DENND5A: variants seen among roughly 807,000 people sequenced by gnomAD.
DENND5A encodes the protein DENN domain containing 5A.
A neutral mutation model predicts 140.3 loss-of-function variants in DENND5A; 64 were observed. The observed-to-expected ratio is 0.46, with a 90% confidence interval of 0.37 to 0.56. The LOEUF is 0.56. Ranked by LOEUF, DENND5A falls within the 20% of genes least tolerant of loss-of-function variation. The pLI, the probability that DENND5A is intolerant of heterozygous loss-of-function variation, is 0.00. For synonymous variants in DENND5A, 605 were observed against 607.7 expected (o/e 1.00, Z 0.07); for missense variants, 1,292 against 1,593.8 (o/e 0.81, Z 3.22).
chr11:9,163,803 C>CAAAAA (rs569894796), intron 11 of DENND5A, among the ~76,000 whole-genome samples: 2 of 46,224 alleles, frequency 4.3e-5, no homozygotes, highest in Non-Finnish European at 9.0e-5. Flanking sequence ...GACTCCATCT[C>CAAAAA]AAAAAAAAAA....
At chr11:9,171,566 C>A (rs1019240807) in intron 8 of DENND5A, 1 of 152,120 alleles carries the variant, frequency 6.6e-6, no homozygotes, top group Non-Finnish European at 1.5e-5. Flanking sequence ...TGTCTGGCAT[C>A]TAATCAAAGA....
intron 3 of DENND5A, 94 bp downstream of exon 3, chr11:9,206,579 T>C: frequency 1.1e-6 from 1 of 876,388 alleles, no homozygotes; most frequent in Non-Finnish European, 1.9e-6. Context: ...GTTATTGGTA[T>C]TTGGTGGCAC....
chr11:9,161,663 C>T (rs1401885790), intron 11 of DENND5A, among the ~76,000 whole-genome samples: 1 of 152,124 alleles, frequency 6.6e-6, no homozygotes, highest in African/African-American at 2.4e-5. Context: ...AAAACACATA[C>T]TGCATAATGA....
chr11:9,150,862 G>GCT, intron 13 of DENND5A, 98 bp from the exon 14 acceptor site: 1 of 675,792 alleles, frequency 1.5e-6, no homozygotes, highest in Non-Finnish European at 2.5e-6. Flanking sequence ...ATGGGAAACA[G>GCT]GTGGTTACAC....
rs1849620444 is a variant in DENND5A at position 9,204,253 on chromosome 11, G to A, written c.356C>T (p.Ala119Val). 1 of 1,613,844 alleles carries A rather than the reference G, an allele frequency of 6.2e-7. No homozygotes were observed. The highest frequency in any genetic ancestry group is 1.1e-5 in the South Asian group (1 of 91,084). Residue 119 changes from alanine (A) to valine (V), a missense_variant, in exon 4 of 23, where the codon GCC (alanine) becomes GTC (valine). By Grantham distance (64) the Ala-to-Val change is moderately conservative. Coordinates refer to ENST00000328194, the MANE Select transcript of DENND5A (RefSeq NM_015213.4). ...GCCATCCTCCCTTGTGATAATAAAG[G>A]CATGGAATTGGGGCTCCCTGGGATC... ...QADPREPQFH[A>V]FIITREDGSR... is the part of the protein sequence containing the mutation.
intron 9 of DENND5A, 104 bp from the exon 10 acceptor site, chr11:9,170,053 C>G: frequency 1.1e-6 from 1 of 923,618 alleles, no homozygotes; most frequent in South Asian, 1.4e-5. Flanking sequence ...ATGCTGGACA[C>G]AGGAAATGAC....
chr11:9,186,085 A>C (rs543212312), intron 5 of DENND5A, among the ~76,000 whole-genome samples: 1 of 152,366 alleles, frequency 6.6e-6, no homozygotes, highest in South Asian at 2.1e-4. Context: ...TGTATCATTC[A>C]ATAAACATTT....
chr11:9,188,362 T>C (rs1848993691), intron 5 of DENND5A, among the ~76,000 whole-genome samples: 1 of 152,184 alleles, frequency 6.6e-6, no homozygotes, highest in Non-Finnish European at 1.5e-5. Flanking sequence ...TATGTCTTTA[T>C]CAGCAACATG....
chr11:9,229,063 T>G (rs755661639), intron 1 of DENND5A, among the ~76,000 whole-genome samples: 1 of 152,180 alleles, frequency 6.6e-6, no homozygotes, highest in Non-Finnish European at 1.5e-5. Context: ...GGGGACAGTC[T>G]TGTGAGACTA....
At chr11:9,245,651 T>C (rs1851441116) in intron 1 of DENND5A, 1 of 152,038 alleles carries the variant, frequency 6.6e-6, no homozygotes, top group Non-Finnish European at 1.5e-5. Context: ...TATTTATTGT[T>C]GAGAGGGAGT....
intron 1 of DENND5A, chr11:9,242,532 T>C (rs894720321): frequency 3.3e-5 from 5 of 152,304 alleles, no homozygotes; most frequent in Admixed American, 6.5e-5. Context: ...TAGAAGACTT[T>C]AGAGACAGGG....
At chr11:9,201,519 A>T (rs1590268495) in intron 4 of DENND5A, among the ~76,000 whole-genome samples, 1 of 152,022 alleles carries the variant, frequency 6.6e-6, no homozygotes, top group East Asian at 1.9e-4. Context: ...AAAAATAAAA[A>T]ATTAGCCAAG....
At chr11:9,222,396 C>A (rs1382721818) in intron 1 of DENND5A, among the ~76,000 whole-genome samples, 1 of 152,078 alleles carries the variant, frequency 6.6e-6, no homozygotes, top group African/African-American at 2.4e-5. Flanking sequence ...GTTCAAATTT[C>A]TTTAGTTTAT....
At chr11:9,140,286 T>TCTTC in intron 22 of DENND5A, 4 of 1,132,622 alleles carry the variant, frequency 3.5e-6, no homozygotes, top group African/African-American at 1.6e-5. Flanking sequence ...ATCCCCACTT[T>TCTTC]ATAGATGAAG....
intron 6 of DENND5A, 34 bp downstream of exon 6, chr11:9,180,733 T>C: frequency 6.3e-7 from 1 of 1,594,260 alleles, no homozygotes; most frequent in Non-Finnish European, 8.6e-7. Flanking sequence ...CTAGCACAGA[T>C]CACACGTGTC....
intron 12 of DENND5A, among the ~76,000 whole-genome samples, chr11:9,159,219 T>C (rs984652875): frequency 6.6e-6 from 1 of 152,156 alleles, no homozygotes; most frequent in Non-Finnish European, 1.5e-5. Context: ...CAATGTATTA[T>C]ACCAAATTTA....
intron 12 of DENND5A, among the ~76,000 whole-genome samples, chr11:9,155,245 T>C (rs1847765772): frequency 6.6e-6 from 1 of 152,104 alleles, no homozygotes; most frequent in African/African-American, 2.4e-5. Flanking sequence ...TAGAAATCCA[T>C]TCATCCTTCC....
intron 5 of DENND5A, among the ~76,000 whole-genome samples, chr11:9,192,437 G>A (rs1242783141): frequency 2.0e-5 from 3 of 152,122 alleles, no homozygotes; most frequent in East Asian, 1.9e-4. Flanking sequence ...GACCAGCCTG[G>A]CCAACATAGT....
chr11:9,192,580 A>AT (rs1387180535), intron 5 of DENND5A, among the ~76,000 whole-genome samples: 1 of 149,536 alleles, frequency 6.7e-6, no homozygotes, highest in Admixed American at 6.7e-5. Context: ...GTCAGCCAAG[A>AT]TTGTGCCACT....
Sources: gnomAD v4.1 joint callset for allele counts (sites outside exome capture counted in the v4.1 genomes callset) on GRCh38, gnomAD v4.1.1 for gene constraint, MANE v1.5 for transcripts, NCBI Gene and HGNC (gene_info 2026-07-23, HGNC 2026-07-21) for gene names.